Variants in RAP1GDS1 observed in about 807,000 individuals in gnomAD.
RAP1GDS1 encodes RAP1, GTP-GDP dissociation stimulator 1.
Under a neutral mutation model 71.1 loss-of-function variants are expected in RAP1GDS1, and 35 were observed. That is an observed-to-expected ratio of 0.49 (90% CI 0.38 to 0.65). The LOEUF is 0.65. Ranked by LOEUF, RAP1GDS1 falls within the 30% of genes least tolerant of loss-of-function variation. The probability of loss-of-function intolerance (pLI) is 0.00; values close to 1 mark genes in which losing one functional copy is unlikely to be tolerated. For synonymous variants in RAP1GDS1, 229 were observed against 243.1 expected, an observed-to-expected ratio of 0.94 and a Z score of 0.54; for missense variants, 663 against 706.1, an observed-to-expected ratio of 0.94 and a Z score of 0.69.
chr4:98,402,472 C>T (rs1745568494), intron 6 of RAP1GDS1, among the ~76,000 whole-genome samples: 1 of 152,144 alleles, frequency 6.6e-6, no homozygotes, highest in Admixed American at 6.6e-5. Context: ...ACACCCTACC[C>T]TTACTTTTTT....
intron 1 of RAP1GDS1, among the ~76,000 whole-genome samples, chr4:98,262,821 G>A (rs1018031635): frequency 2.0e-5 from 3 of 152,144 alleles, no homozygotes; most frequent in African/African-American, 7.2e-5. Context: ...AGAGTTTTCT[G>A]GAACAGCAAA....
intron 2 of RAP1GDS1, among the ~76,000 whole-genome samples, chr4:98,334,489 T>C (rs1734428879): frequency 6.6e-6 from 1 of 152,332 alleles, no homozygotes; most frequent in Non-Finnish European, 1.5e-5. Context: ...TCTGATTTGC[T>C]TGACTAGTCA....
chr4:98,372,267 A>G (rs1740496165), intron 4 of RAP1GDS1, among the ~76,000 whole-genome samples: 1 of 152,124 alleles, frequency 6.6e-6, no homozygotes, highest in Non-Finnish European at 1.5e-5. Context: ...GGTTCAAGCA[A>G]TTCTTCTGCC....
At chr4:98,432,930 T>G (rs1750639987) in intron 12 of RAP1GDS1, among the ~76,000 whole-genome samples, 1 of 151,978 alleles carries the variant, frequency 6.6e-6, no homozygotes, top group Non-Finnish European at 1.5e-5. Flanking sequence ...CCAGATGGTC[T>G]TATATGTTTT....
At chr4:98,387,379 C>T (rs1270764517) in intron 5 of RAP1GDS1, 1 of 454,362 alleles carries the variant, frequency 2.2e-6, no homozygotes, top group East Asian at 7.0e-5. Context: ...ATGTTTTAAA[C>T]ATTAAACTTA....
At chr4:98,370,531 T>C (rs917114500) in intron 4 of RAP1GDS1, among the ~76,000 whole-genome samples, 1 of 152,056 alleles carries the variant, frequency 6.6e-6, no homozygotes, top group African/African-American at 2.4e-5. Context: ...CTCTTCTCTA[T>C]GCTTCTGTAA....
In RAP1GDS1 at chr4:98,363,414, T is replaced by A. The variant is rs538115477; in HGVS notation, c.361+10813T>A. Among the ~76,000 whole-genome samples the A allele has an allele frequency of 1.8e-4, 26 of 142,104 alleles. No homozygotes were observed. The South Asian group carries it at 2.3e-3, about 12-fold the overall frequency. The allele number at this position is 142,104 out of a possible 152,430, so 93.2% of individuals were successfully genotyped here. A position where few individuals can be genotyped will look rare whatever the true frequency, so the allele number is the denominator to read the frequency against. On this transcript the variant is annotated intron_variant, in intron 4 of 14. Coordinates refer to ENST00000408927, the MANE Select transcript of RAP1GDS1 (RefSeq NM_001100427.2). ...TGGGAGGATCACTTGAGCCCAGGAG[T>A]TCTAGGCTGCAGTGAGCCATCACAC...
chr4:98,287,269 T>A (rs1726180633), intron 1 of RAP1GDS1, among the ~76,000 whole-genome samples: 1 of 152,182 alleles, frequency 6.6e-6, no homozygotes. Flanking sequence ...TAAAACTGTA[T>A]AAAATTCTAC....
chr4:98,343,285 T>C, intron 3 of RAP1GDS1, 24 bp downstream of exon 3: 1 of 1,571,006 alleles, frequency 6.4e-7, no homozygotes, highest in Non-Finnish European at 8.8e-7. Flanking sequence ...CAAGAACTTT[T>C]CTGCTGGGAA....
At chr4:98,347,458 G>A (rs954937710) in intron 3 of RAP1GDS1, among the ~76,000 whole-genome samples, 3 of 152,048 alleles carry the variant, frequency 2.0e-5, no homozygotes, top group East Asian at 3.9e-4. Context: ...TATTGAAATA[G>A]AGCAGTACCT....
chr4:98,361,935 T>A (rs1211900660), intron 4 of RAP1GDS1, among the ~76,000 whole-genome samples: 3 of 152,208 alleles, frequency 2.0e-5, no homozygotes, highest in Non-Finnish European at 4.4e-5. Flanking sequence ...TTATGTAATA[T>A]GTTATAGCTT....
At chr4:98,378,548 A>G (rs750584975) in intron 4 of RAP1GDS1, among the ~76,000 whole-genome samples, 14 of 152,036 alleles carry the variant, frequency 9.2e-5, no homozygotes, top group Admixed American at 2.0e-4. Context: ...TATCAAAGAC[A>G]TAATAACGTT....
chr4:98,262,901 A>C (rs1337598557), intron 1 of RAP1GDS1, among the ~76,000 whole-genome samples: 10 of 152,230 alleles, frequency 6.6e-5, no homozygotes, highest in Non-Finnish European at 1.5e-5. Flanking sequence ...AGGAGGTGGT[A>C]TGAATCAAAA....
chr4:98,304,542 TG>T (rs527532626), intron 2 of RAP1GDS1, among the ~76,000 whole-genome samples: 483 of 152,314 alleles, frequency 3.2e-3, no homozygotes, highest in African/African-American at 0.011. Flanking sequence ...TAAATGGGGT[TG>T]TTTTTTTCTT....
At chr4:98,416,344 T>G (rs1747996763) in intron 7 of RAP1GDS1, among the ~76,000 whole-genome samples, 1 of 121,546 alleles carries the variant, frequency 8.2e-6, no homozygotes, top group African/African-American at 3.2e-5. Context: ...GTTTTTTTTT[T>G]TTTTTTTTTT....
intron 6 of RAP1GDS1, among the ~76,000 whole-genome samples, chr4:98,400,381 A>G (rs1745201296): frequency 6.6e-6 from 1 of 152,162 alleles, no homozygotes; most frequent in Non-Finnish European, 1.5e-5. Context: ...AATACTATTC[A>G]GCCACCGAAA....
At chr4:98,395,725 A>G (rs943150860) in intron 6 of RAP1GDS1, among the ~76,000 whole-genome samples, 1 of 152,152 alleles carries the variant, frequency 6.6e-6, no homozygotes, top group Non-Finnish European at 1.5e-5. Context: ...TCCACCTCTT[A>G]TACTTTCCAT....
chr4:98,414,781 C>T (rs1021911127), intron 7 of RAP1GDS1, among the ~76,000 whole-genome samples: 4 of 151,978 alleles, frequency 2.6e-5, no homozygotes, highest in African/African-American at 9.7e-5. Flanking sequence ...ATGGGGATGG[C>T]ATTGAATCTG....
intron 5 of RAP1GDS1, among the ~76,000 whole-genome samples, chr4:98,380,315 C>CT (rs976401769): frequency 6.6e-6 from 1 of 151,650 alleles, no homozygotes; most frequent in African/African-American, 2.4e-5. Flanking sequence ...GCTGAAATGT[C>CT]TAGTTTGTTA....
Sources: allele counts gnomAD v4.1 joint callset (sites outside exome capture counted in the v4.1 genomes callset), GRCh38; gene constraint gnomAD v4.1.1; transcripts MANE v1.5; gene names NCBI Gene and HGNC (gene_info 2026-07-23, HGNC 2026-07-21).